Variants in DEPDC5 observed in about 807,000 individuals in gnomAD.
DEPDC5 encodes GATOR1 complex protein DEPDC5.
A neutral mutation model predicts 217.3 loss-of-function variants in DEPDC5; 73 were observed. The ratio of observed to expected loss-of-function variants is 0.34; its 90% CI spans 0.28 to 0.41. The LOEUF (loss-of-function observed/expected upper bound fraction) is 0.41, where lower values mean the gene tolerates loss of function less well. Ranked by LOEUF, DEPDC5 falls within the 10% of genes least tolerant of loss-of-function variation. The pLI is 1.00. For missense variants in DEPDC5, 1,675 were observed against 2,070.1 expected (o/e 0.81, Z 3.70); for synonymous variants, 733 against 756.7 (o/e 0.97, Z 0.51).
chr22:31,883,911 C>T (rs967437378), intron 38 of DEPDC5, among the ~76,000 whole-genome samples: 1 of 152,210 alleles, frequency 6.6e-6, no homozygotes, highest in Middle Eastern at 3.2e-3. Flanking sequence ...TTCTTCCCCT[C>T]TATGCCATCC....
In DEPDC5 at chr22:31,845,219, C is replaced by G; in HGVS notation, c.3003C>G (p.Arg1001=). The change falls in exon 30 of 43, where the codon CGC becomes CGG. Residue 1001 remains arginine (R), a synonymous_variant. Transcript: ENST00000651528. ...EGLNRIRRRH[R]SDRMMRKGTA... ...TGAATCGCATTCGCAGGCGGCATCGCTCGGATCGCATGATGCGGGTAAGGG... is the reference window on the plus strand; with the variant it reads ...TGAATCGCATTCGCAGGCGGCATCGGTCGGATCGCATGATGCGGGTAAGGG... 1 of 1,614,044 alleles carries G rather than the reference C, an allele frequency of 6.2e-7. No individual in the cohort carries two copies. The highest frequency in any genetic ancestry group is 1.1e-5 in the South Asian group (1 of 91,060).
intron 8 of DEPDC5, among the ~76,000 whole-genome samples, chr22:31,781,763 G>T (rs929530090): frequency 1.3e-5 from 2 of 152,180 alleles, no homozygotes; most frequent in Non-Finnish European, 2.9e-5. Flanking sequence ...GCTGAACATG[G>T]TGGCTCACGC....
intron 22 of DEPDC5, among the ~76,000 whole-genome samples, chr22:31,819,465 T>C (rs534572149): frequency 4.3e-5 from 6 of 139,244 alleles, no homozygotes; most frequent in Admixed American, 2.1e-4. Context: ...GTTTCTGCCC[T>C]TTTTTTTTTT....
Position 31,830,668 on chromosome 22 carries a change from T to G in DEPDC5, c.2105-3247T>G, listed in dbSNP as rs551306595. ...GTGTGTGTGTGTGTGTGTGTGTGTG[T>G]GTAGGTAGGTGTGTCCACTAGAGAT... is the stretch of plus-strand genomic sequence containing the variant. On this transcript the variant is annotated intron_variant, in intron 24 of 42. Transcript: ENST00000651528. 4.3e-4 allele frequency among the ~76,000 whole-genome samples: 64 copies of G among 149,496 alleles called. No individual in the cohort carries two copies. In the South Asian group the frequency reaches 0.012, roughly 28 times the overall value.
intron 27 of DEPDC5, among the ~76,000 whole-genome samples, chr22:31,841,599 G>A (rs1035141870): frequency 2.6e-5 from 4 of 152,156 alleles, no homozygotes; most frequent in African/African-American, 9.7e-5. Flanking sequence ...TGGTGTACAC[G>A]CTATGTAAAT....
At chr22:31,861,343 C>CT (rs1320774353) in intron 32 of DEPDC5, 25 bp from the exon 33 acceptor site, 16 of 1,550,718 alleles carry the variant, frequency 1.0e-5, no homozygotes, top group Non-Finnish European at 1.3e-5. Context: ...ACTGCTGCTG[C>CT]TGCTTCCTCC....
chr22:31,783,468 C>T (rs1373560824), intron 8 of DEPDC5, among the ~76,000 whole-genome samples: 1 of 152,114 alleles, frequency 6.6e-6, no homozygotes, highest in Non-Finnish European at 1.5e-5. Flanking sequence ...TGAAACCACT[C>T]TGGGCAACGT....
Position 31,907,127 on chromosome 22 carries a change from C to G in DEPDC5, c.*630C>G, listed in dbSNP as rs1172140431. Reference sequence around the variant, plus strand: ...GAAGTGGTCACAGATGGTGAGAGGGCTTCAGAATTCACTGGCTTAGAGTCT... The same window carrying G: ...GAAGTGGTCACAGATGGTGAGAGGGGTTCAGAATTCACTGGCTTAGAGTCT... On this transcript the variant is annotated 3_prime_UTR_variant, in exon 43 of 43. Coordinates refer to ENST00000651528, the MANE Select transcript of DEPDC5 (RefSeq NM_001242896.3). 6.5e-6 allele frequency: 1 copy of G among 153,956 alleles called. No individual in the cohort carries two copies. Among genetic ancestry groups the G allele is most frequent in the Non-Finnish European group, 1.4e-5 (1 of 69,340 alleles). The allele number at this position is 153,956 out of a possible 1,614,324, so 9.5% of individuals were successfully genotyped here.
intron 1 of DEPDC5, 89 bp downstream of exon 1, chr22:31,754,253 C>T (rs1167900174): frequency 1.3e-5 from 2 of 154,076 alleles, no homozygotes; most frequent in Non-Finnish European, 2.9e-5. Flanking sequence ...GCTCCATCCC[C>T]ATTCCGCTGT....
intron 28 of DEPDC5, 114 bp downstream of exon 28, chr22:31,843,326 T>C (rs1768231173): frequency 1.8e-6 from 2 of 1,136,796 alleles, no homozygotes; most frequent in Admixed American, 4.8e-5. Context: ...TGGTTTTTCT[T>C]TTGGAGTTTT....
chr22:31,814,503 C>A (rs1278653657), intron 20 of DEPDC5: 2 of 160,794 alleles, frequency 1.2e-5, no homozygotes, highest in African/African-American at 4.8e-5. Flanking sequence ...AGTAGAATGT[C>A]TTGCTTTCTA....
chr22:31,879,063 T>TACACAC (rs1474843361), intron 37 of DEPDC5, among the ~76,000 whole-genome samples: 1 of 135,386 alleles, frequency 7.4e-6, no homozygotes, highest in Non-Finnish European at 1.6e-5. Context: ...TATATATATA[T>TACACAC]ATATACACAC....
At chr22:31,894,487 T>A (rs1368781243) in intron 39 of DEPDC5, 1 of 152,198 alleles carries the variant, frequency 6.6e-6, no homozygotes, top group Non-Finnish European at 1.5e-5. Flanking sequence ...CCCCTGTTAA[T>A]AAACATCACT....
chr22:31,777,113 C>T (rs1056582880), intron 7 of DEPDC5, among the ~76,000 whole-genome samples: 1 of 151,044 alleles, frequency 6.6e-6, no homozygotes, highest in Non-Finnish European at 1.5e-5. Flanking sequence ...ATAGGTGCCA[C>T]CATGCCCAGC....
intron 38 of DEPDC5, among the ~76,000 whole-genome samples, chr22:31,886,963 A>G (rs2093330553): frequency 2.0e-5 from 3 of 151,782 alleles, no homozygotes; most frequent in South Asian, 4.2e-4. Context: ...TGTGCCTGTA[A>G]TCCCAGCTAC....
intron 4 of DEPDC5, among the ~76,000 whole-genome samples, chr22:31,763,942 T>C (rs1413873392): frequency 6.6e-6 from 1 of 152,026 alleles, no homozygotes; most frequent in East Asian, 1.9e-4. Context: ...TATGTTATGT[T>C]ATTTTGAGAT....
Position 31,802,747 on chromosome 22 carries a change from G to A in DEPDC5, c.990G>A (p.Gly330=), listed in dbSNP as rs2148633881. The change falls in exon 15 of 43, where the codon GGG becomes GGA. Residue 330 remains glycine (G), a synonymous_variant. Transcript: ENST00000651528. ...HYINRNFDRT[G]QMSVVITPGV... ...TCAACCGCAACTTTGACCGAACTGG[G>A]CAGATGTCAGTGGTGATCACGCCCG... The A allele has an allele frequency of 6.2e-7, 1 of 1,602,716 alleles. No individual in the cohort carries two copies. Among genetic ancestry groups the A allele is most frequent in the Non-Finnish European group, 8.5e-7 (1 of 1,174,940 alleles).
At chr22:31,804,777 G>T (rs2087310600) in intron 16 of DEPDC5, 65 bp from the exon 17 acceptor site, 1 of 1,522,122 alleles carries the variant, frequency 6.6e-7, no homozygotes, top group South Asian at 1.1e-5. Context: ...AAACAGAAAA[G>T]TTAGAGCAGT....
intron 24 of DEPDC5, among the ~76,000 whole-genome samples, chr22:31,825,147 T>C (rs2090044382): frequency 6.6e-6 from 1 of 152,148 alleles, no homozygotes; most frequent in African/African-American, 2.4e-5. Flanking sequence ...TGAACTAGTT[T>C]CACTGGTTAA....
Sources: gnomAD v4.1 joint callset for allele counts (sites outside exome capture counted in the v4.1 genomes callset) on GRCh38, gnomAD v4.1.1 for gene constraint, MANE v1.5 for transcripts, NCBI Gene and HGNC (gene_info 2026-07-23, HGNC 2026-07-21) for gene names.